The following TRPC4 variants were observed in gnomAD, a reference collection of about 807,000 sequenced individuals.
TRPC4 encodes short transient receptor potential channel 4.
Under a neutral mutation model 99.4 loss-of-function variants are expected in TRPC4, and 49 were observed. The observed-to-expected ratio is 0.49, with a 90% confidence interval of 0.39 to 0.63. The LOEUF is 0.63. TRPC4 is among the 20% of genes least tolerant of loss of function. The pLI, the probability that TRPC4 is intolerant of heterozygous loss-of-function variation, is 0.00. For synonymous variants in TRPC4, 454 were observed against 425.9 expected (o/e 1.07, Z -0.81); for missense variants, 898 against 1,152.9 (o/e 0.78, Z 3.20).
intron 3 of TRPC4, among the ~76,000 whole-genome samples, chr13:37,708,155 C>T (rs1327546402): frequency 6.6e-6 from 1 of 151,956 alleles, no homozygotes; most frequent in Non-Finnish European, 1.5e-5. Flanking sequence ...AAACATAATC[C>T]TAATTAAACA....
intron 3 of TRPC4, 99 bp downstream of exon 3, chr13:37,745,838 A>G (rs940502936): frequency 1.3e-4 from 174 of 1,329,464 alleles, no homozygotes; most frequent in Admixed American, 7.0e-4. Flanking sequence ...GCTGAATAGA[A>G]AATGCTCTAA....
At chr13:37,861,140 A>T (rs556874568) in intron 1 of TRPC4, among the ~76,000 whole-genome samples, 1 of 151,676 alleles carries the variant, frequency 6.6e-6, no homozygotes, top group African/African-American at 2.4e-5. Flanking sequence ...TCATTTAGAT[A>T]AACTGAAATG....
At chr13:37,644,780 G>A (rs959905430) in intron 8 of TRPC4, among the ~76,000 whole-genome samples, 3 of 149,758 alleles carry the variant, frequency 2.0e-5, no homozygotes, top group African/African-American at 7.4e-5. Context: ...GGCTAAGGTG[G>A]GAGAATGGCG....
chr13:37,681,506 T>C (rs1953238837), intron 4 of TRPC4, among the ~76,000 whole-genome samples: 1 of 152,206 alleles, frequency 6.6e-6, no homozygotes, highest in African/African-American at 2.4e-5. Flanking sequence ...ATAGTTCTAG[T>C]CACCACATAC....
chr13:37,846,548 A>G (rs1275687342), intron 1 of TRPC4, among the ~76,000 whole-genome samples: 2 of 152,120 alleles, frequency 1.3e-5, no homozygotes, highest in Non-Finnish European at 2.9e-5. Context: ...CCCACTTAGC[A>G]AAAACCCCCA....
chr13:37,838,986 C>T (rs1958652551), intron 1 of TRPC4, among the ~76,000 whole-genome samples: 1 of 152,094 alleles, frequency 6.6e-6, no homozygotes, highest in Non-Finnish European at 1.5e-5. Flanking sequence ...CTGAGATGGA[C>T]TCTGGTACAT....
intron 3 of TRPC4, among the ~76,000 whole-genome samples, chr13:37,705,546 T>C (rs992415900): frequency 6.6e-6 from 1 of 152,116 alleles, no homozygotes; most frequent in African/African-American, 2.4e-5. Flanking sequence ...TATATTGTAA[T>C]CAATAAATAT....
At chr13:37,784,938 T>C (rs527746726) in intron 1 of TRPC4, among the ~76,000 whole-genome samples, 88 of 152,226 alleles carry the variant, frequency 5.8e-4, no homozygotes, top group African/African-American at 2.1e-3. Flanking sequence ...TCTGGCATAT[T>C]AAACATAGTA....
At chr13:37,831,377 A>G (rs1958417435) in intron 1 of TRPC4, among the ~76,000 whole-genome samples, 1 of 152,242 alleles carries the variant, frequency 6.6e-6, no homozygotes, top group Non-Finnish European at 1.5e-5. Flanking sequence ...CAAAATGATG[A>G]AAGATAACTA....
At chr13:37,852,918 G>C (rs1959095398) in intron 1 of TRPC4, among the ~76,000 whole-genome samples, 1 of 152,206 alleles carries the variant, frequency 6.6e-6, no homozygotes, top group South Asian at 2.1e-4. Flanking sequence ...ACTTCCTATT[G>C]TGGTCTGACT....
chr13:37,684,744 A>G (rs1189081918), intron 4 of TRPC4, among the ~76,000 whole-genome samples: 1 of 151,932 alleles, frequency 6.6e-6, no homozygotes, highest in African/African-American at 2.4e-5. Flanking sequence ...TTAAAAATAA[A>G]TATGCACAAA....
intron 3 of TRPC4, among the ~76,000 whole-genome samples, chr13:37,695,938 T>C (rs1298485721): frequency 6.6e-6 from 1 of 152,168 alleles, no homozygotes. Context: ...GGAAAGTATA[T>C]AAAAACAAAA....
chr13:37,719,018 T>C (rs1393037807), intron 3 of TRPC4, among the ~76,000 whole-genome samples: 1 of 152,040 alleles, frequency 6.6e-6, no homozygotes, highest in African/African-American at 2.4e-5. Context: ...AAAAAAAATC[T>C]TAAAAGCAGT....
chr13:37,659,686 A>G (rs1952363618), intron 6 of TRPC4, among the ~76,000 whole-genome samples: 1 of 152,152 alleles, frequency 6.6e-6, no homozygotes, highest in Admixed American at 6.5e-5. Context: ...CAAGGCAGAG[A>G]CCAGGGGCAG....
chr13:37,804,954 C>CTAA (rs1447627858), intron 1 of TRPC4, among the ~76,000 whole-genome samples: 1 of 151,914 alleles, frequency 6.6e-6, no homozygotes, highest in Non-Finnish European at 1.5e-5. Context: ...TTAATTATAT[C>CTAA]TAATACTTAA....
chr13:37,637,543 G>A lies in TRPC4; in HGVS notation c.2294C>T (p.Ala765Val), dbSNP rs1055947215. The A allele has an allele frequency of 1.2e-6, 2 of 1,613,502 alleles. No individual in the cohort carries two copies. The highest frequency in any genetic ancestry group is 2.2e-5 in the East Asian group (1 of 44,880). ...ATTTGAAGACTCCTTCGAGGCATTC[G>A]CAGATTGTATTGTGGAAAGTTTGCT... ...RGSKLSTIQSANASKESSNSA... is the reference protein window; with the variant it reads ...RGSKLSTIQSVNASKESSNSA... Residue 765 changes from alanine (A) to valine (V), a missense_variant, in exon 11 of 11, where the codon GCG becomes GTG. Coordinates refer to ENST00000379705, the MANE Select transcript of TRPC4 (RefSeq NM_016179.4).
chr13:37,774,669 G>A (rs1021455790), intron 2 of TRPC4, among the ~76,000 whole-genome samples: 1 of 151,268 alleles, frequency 6.6e-6, no homozygotes, highest in East Asian at 2.0e-4. Flanking sequence ...TCTACTTTTC[G>A]ATATTTCCCA....
intron 1 of TRPC4, among the ~76,000 whole-genome samples, chr13:37,858,134 C>T (rs1184157022): frequency 6.6e-6 from 1 of 151,646 alleles, no homozygotes; most frequent in Non-Finnish European, 1.5e-5. Flanking sequence ...CAGAAGAAGA[C>T]ATACAAATGG....
chr13:37,639,790 A>G (rs1393307407), intron 8 of TRPC4, among the ~76,000 whole-genome samples: 1 of 149,716 alleles, frequency 6.7e-6, no homozygotes, highest in African/African-American at 2.5e-5. Flanking sequence ...GTAAGAGGAG[A>G]TTCCTGTTTA....
Sources: gnomAD v4.1 joint callset for allele counts (sites outside exome capture counted in the v4.1 genomes callset) on GRCh38, gnomAD v4.1.1 for gene constraint, MANE v1.5 for transcripts, NCBI Gene and HGNC (gene_info 2026-07-23, HGNC 2026-07-21) for gene names.